The following CDH18 variants were observed in gnomAD, a reference collection of about 807,000 sequenced individuals.
CDH18 encodes cadherin 18, also known as cadherin-18.
In CDH18, 31 loss-of-function variants were observed where a neutral mutation model predicts 67.9. That is an observed-to-expected ratio of 0.46 (90% CI 0.34 to 0.62). The LOEUF is 0.62. CDH18 is among the 20% of genes least tolerant of loss of function. The pLI, the probability that CDH18 is intolerant of heterozygous loss-of-function variation, is 0.01. For missense variants in CDH18, 890 were observed against 975.5 expected (o/e 0.91, Z 1.17); for synonymous variants, 362 against 347.2 (o/e 1.04, Z -0.48).
chr5:20,036,168 G>A (rs1041964647), intron 2 of CDH18, among the ~76,000 whole-genome samples: 5 of 152,020 alleles, frequency 3.3e-5, no homozygotes, highest in African/African-American at 1.2e-4. Flanking sequence ...TACAGAAAGT[G>A]TATCCAAAGG....
intron 2 of CDH18, among the ~76,000 whole-genome samples, chr5:20,210,290 A>G (rs573942672): frequency 4.1e-4 from 63 of 152,012 alleles, no homozygotes; most frequent in Non-Finnish European, 8.0e-4. Flanking sequence ...TTCTTTTGAC[A>G]TAGAACACAT....
intron 1 of CDH18, among the ~76,000 whole-genome samples, chr5:20,280,837 GTTC>G (rs1273203630): frequency 6.6e-6 from 1 of 152,176 alleles, no homozygotes; most frequent in African/African-American, 2.4e-5. Flanking sequence ...GTGTAAAAGT[GTTC>G]CTATTTCTCC....
chr5:20,279,699 C>CAAAA lies in CDH18; in HGVS notation c.-579-24198_-579-24195dup, dbSNP rs1189257278. On this transcript the variant is annotated intron_variant, in intron 1 of 14. Transcript: ENST00000507958. ...GGGTGACAAAAGAGAAGCTCTGTCTCAAAAAAAAAAAAAAAAAAAAAAAAA... is the reference window on the plus strand; with the variant it reads ...GGGTGACAAAAGAGAAGCTCTGTCTCAAAAAAAAAAAAAAAAAAAAAAAAAAAAA... Among the ~76,000 whole-genome samples, 52 of 13,570 alleles carry CAAAA rather than the reference C, an allele frequency of 3.8e-3. 7 individuals are homozygous for CAAAA. Among genetic ancestry groups the CAAAA allele is most frequent in the African/African-American group, 0.013 (48 of 3,754 alleles). 8.9% of individuals were successfully genotyped at this position (13,570 alleles called of 152,430 possible). A position where few individuals can be genotyped will look rare whatever the true frequency, so the allele number is the denominator to read the frequency against.
intron 1 of CDH18, among the ~76,000 whole-genome samples, chr5:20,530,490 C>A (rs1263165909): frequency 6.6e-6 from 1 of 152,024 alleles, no homozygotes; most frequent in Non-Finnish European, 1.5e-5. Flanking sequence ...TCAAACTATA[C>A]TACAAGGCAA....
intron 2 of CDH18, among the ~76,000 whole-genome samples, chr5:19,997,561 G>T (rs1218955407): frequency 2.6e-5 from 4 of 152,108 alleles, no homozygotes; most frequent in Admixed American, 6.5e-5. Flanking sequence ...TAGGTACTCA[G>T]CAGAGAGTAA....
chr5:19,520,406 T>G (rs1057439578), intron 10 of CDH18, among the ~76,000 whole-genome samples: 1 of 152,182 alleles, frequency 6.6e-6, no homozygotes, highest in Non-Finnish European at 1.5e-5. Context: ...TCAATATCAT[T>G]TTATTGGTAT....
intron 2 of CDH18, among the ~76,000 whole-genome samples, chr5:19,909,692 CAA>C (rs112131863): frequency 2.7e-5 from 4 of 149,048 alleles, no homozygotes; most frequent in African/African-American, 2.5e-5. Context: ...GGTCAAATGG[CAA>C]AAAAAAAAAT....
At chr5:20,092,409 G>A (rs111667713) in intron 2 of CDH18, among the ~76,000 whole-genome samples, 138 of 152,034 alleles carry the variant, frequency 9.1e-4, no homozygotes, top group Non-Finnish European at 1.5e-3. Context: ...AGAGTGTCCC[G>A]ACAGGTTAGC....
intron 5 of CDH18, among the ~76,000 whole-genome samples, chr5:19,691,810 A>G (rs1428846065): frequency 6.6e-6 from 1 of 151,870 alleles, no homozygotes; most frequent in African/African-American, 2.4e-5. Context: ...ACTAAAATCA[A>G]TCTTGATTGA....
intron 2 of CDH18, among the ~76,000 whole-genome samples, chr5:20,139,366 G>A (rs1750037769): frequency 1.3e-5 from 2 of 152,136 alleles, no homozygotes; most frequent in Non-Finnish European, 2.9e-5. Context: ...AAAAACTCTA[G>A]AAGAAAACCC....
chr5:20,327,313 T>A (rs368486506), intron 1 of CDH18, among the ~76,000 whole-genome samples: 86 of 152,332 alleles, frequency 5.6e-4, no homozygotes, highest in African/African-American at 2.0e-3. Flanking sequence ...TGCTTACTTA[T>A]CTTATGTAAA....
intron 2 of CDH18, among the ~76,000 whole-genome samples, chr5:20,229,629 T>C (rs991817804): frequency 5.3e-5 from 8 of 152,274 alleles, no homozygotes; most frequent in Non-Finnish European, 1.0e-4. Context: ...TTATTTTCTA[T>C]TGATAATATA....
At chr5:20,420,422 C>A (rs952920798) in intron 1 of CDH18, among the ~76,000 whole-genome samples, 1 of 151,000 alleles carries the variant, frequency 6.6e-6, no homozygotes, top group Non-Finnish European at 1.5e-5. Context: ...TGTATTCCAA[C>A]GTTATATTCT....
intron 1 of CDH18, among the ~76,000 whole-genome samples, chr5:20,279,857 T>C (rs1368248120): frequency 6.6e-6 from 1 of 152,010 alleles, no homozygotes; most frequent in Non-Finnish European, 1.5e-5. Flanking sequence ...GTCTGCACTA[T>C]AGACTAAGTG....
intron 1 of CDH18, among the ~76,000 whole-genome samples, chr5:20,365,214 G>C (rs1043619118): frequency 2.0e-5 from 3 of 152,154 alleles, no homozygotes; most frequent in Non-Finnish European, 4.4e-5. Flanking sequence ...GCTGTGTGCT[G>C]TGTGTTCCCA....
At chr5:20,554,230 A>G (rs903135473) in intron 1 of CDH18, among the ~76,000 whole-genome samples, 1 of 152,208 alleles carries the variant, frequency 6.6e-6, no homozygotes, top group Non-Finnish European at 1.5e-5. Flanking sequence ...ATGTGTGGCC[A>G]TGTTCCAATA....
At chr5:20,415,288 G>A (rs1747198436) in intron 1 of CDH18, among the ~76,000 whole-genome samples, 1 of 152,102 alleles carries the variant, frequency 6.6e-6, no homozygotes, top group East Asian at 1.9e-4. Context: ...TCGGGAGGCT[G>A]AGGCAGGTGA....
chr5:20,288,274 G>C (rs2126724772), intron 1 of CDH18, among the ~76,000 whole-genome samples: 1 of 151,858 alleles, frequency 6.6e-6, no homozygotes, highest in East Asian at 1.9e-4. Flanking sequence ...GACAATTTGA[G>C]CATGTCTGGA....
intron 4 of CDH18, among the ~76,000 whole-genome samples, chr5:19,739,965 G>T (rs1768883976): frequency 6.6e-6 from 1 of 152,008 alleles, no homozygotes; most frequent in South Asian, 2.1e-4. Context: ...GAACAGCCTG[G>T]GGCCTTAGAG....
Sources: gnomAD v4.1 joint callset for allele counts (sites outside exome capture counted in the v4.1 genomes callset) on GRCh38, gnomAD v4.1.1 for gene constraint, MANE v1.5 for transcripts, NCBI Gene and HGNC (gene_info 2026-07-23, HGNC 2026-07-21) for gene names.